Variants in IQGAP2 observed in about 807,000 individuals in gnomAD.
The protein encoded by IQGAP2 is IQ motif containing GTPase activating protein 2, also known as ras GTPase-activating-like protein IQGAP2.
In IQGAP2, 173 loss-of-function variants were observed where a neutral mutation model predicts 201.3. The ratio of observed to expected loss-of-function variants is 0.86; its 90% CI spans 0.76 to 0.98. IQGAP2 has a LOEUF of 0.98. Ranked by LOEUF, IQGAP2 falls within the 50% of genes least tolerant of loss-of-function variation. IQGAP2 has a pLI of 0.00. For missense variants in IQGAP2, 1,687 were observed against 1,864.8 expected, an observed-to-expected ratio of 0.90 and a Z score of 1.76; for synonymous variants, 675 against 673.9, an observed-to-expected ratio of 1.00 and a Z score of -0.03.
At chr5:76,545,090 A>G (rs1392434686) in intron 2 of IQGAP2, among the ~76,000 whole-genome samples, 2 of 152,094 alleles carry the variant, frequency 1.3e-5, no homozygotes, top group Admixed American at 6.6e-5. Flanking sequence ...ACACATAACT[A>G]TGTATATAAA....
intron 6 of IQGAP2, among the ~76,000 whole-genome samples, 194 bp from the exon 7 acceptor site, chr5:76,589,421 T>G (rs1336168332): frequency 6.6e-6 from 1 of 152,192 alleles, no homozygotes; most frequent in African/African-American, 2.4e-5. Context: ...CTATCTTGTT[T>G]GTTCTTGACT....
chr5:76,659,048 CATT>C (rs1411929458), intron 21 of IQGAP2, among the ~76,000 whole-genome samples: 1 of 152,116 alleles, frequency 6.6e-6, no homozygotes, highest in African/African-American at 2.4e-5. Flanking sequence ...TTGACTGAAA[CATT>C]ATGTTGTTTG....
At chr5:76,580,390 G>A (rs926954384) in intron 5 of IQGAP2, among the ~76,000 whole-genome samples, 9 of 152,078 alleles carry the variant, frequency 5.9e-5, no homozygotes, top group Admixed American at 1.3e-4. Context: ...CCAAGATCGC[G>A]CCACTGCACT....
chr5:76,587,060 C>G (rs1746299093), intron 5 of IQGAP2, among the ~76,000 whole-genome samples: 1 of 152,160 alleles, frequency 6.6e-6, no homozygotes, highest in Non-Finnish European at 1.5e-5. Context: ...ATGGTTTTTT[C>G]TCTCAAGATA....
At chr5:76,452,091 T>C (rs1753789330) in intron 1 of IQGAP2, among the ~76,000 whole-genome samples, 1 of 150,906 alleles carries the variant, frequency 6.6e-6, no homozygotes, top group Non-Finnish European at 1.5e-5. Context: ...AGTAAAGTAA[T>C]ACAGGTAAAT....
intron 5 of IQGAP2, among the ~76,000 whole-genome samples, chr5:76,586,575 G>A (rs1448097682): frequency 1.3e-5 from 2 of 152,222 alleles, no homozygotes; most frequent in Non-Finnish European, 2.9e-5. Context: ...TCAGTTGCTA[G>A]TCCCTTGAAA....
chr5:76,624,747 A>G lies in IQGAP2; in HGVS notation c.1522-2663A>G, dbSNP rs372750902. Reference sequence around the variant, plus strand: ...GGAGGTGTGGCCGTCCCATAAATATACTATTATTTTCAGTCTTCTGGTGAA... The same window carrying G: ...GGAGGTGTGGCCGTCCCATAAATATGCTATTATTTTCAGTCTTCTGGTGAA... On this transcript the variant is annotated intron_variant, in intron 13 of 35. Coordinates refer to ENST00000274364, the MANE Select transcript of IQGAP2 (RefSeq NM_006633.5). 1.9e-4 allele frequency among the ~76,000 whole-genome samples: 29 copies of G among 152,252 alleles called. No homozygotes were observed. In the East Asian group the frequency reaches 5.2e-3, roughly 27 times the overall value.
At chr5:76,592,238 G>A (rs1370448959) in intron 8 of IQGAP2, among the ~76,000 whole-genome samples, 2 of 152,078 alleles carry the variant, frequency 1.3e-5, no homozygotes, top group Non-Finnish European at 1.5e-5. Flanking sequence ...TCTTAGCTTA[G>A]CCTTCAGCTG....
chr5:76,434,590 AT>A (rs1752553459), intron 1 of IQGAP2, among the ~76,000 whole-genome samples: 1 of 152,004 alleles, frequency 6.6e-6, no homozygotes, highest in East Asian at 1.9e-4. Flanking sequence ...TTATCCACTT[AT>A]TGGTCAATGG....
chr5:76,457,815 A>G (rs149678204), intron 1 of IQGAP2, among the ~76,000 whole-genome samples: 1,573 of 152,322 alleles, frequency 0.01, 23 homozygotes, highest in African/African-American at 0.036. Flanking sequence ...GAATCTGTGA[A>G]TAAGCCTTAT....
chr5:76,540,502 A>T (rs1580411926), intron 2 of IQGAP2, among the ~76,000 whole-genome samples: 1 of 152,258 alleles, frequency 6.6e-6, no homozygotes, highest in East Asian at 1.9e-4. Context: ...GAAGGAGGGG[A>T]TGAAATGAGA....
chr5:76,416,867 C>A (rs1356091222), intron 1 of IQGAP2, among the ~76,000 whole-genome samples: 1 of 152,124 alleles, frequency 6.6e-6, no homozygotes, highest in Non-Finnish European at 1.5e-5. Flanking sequence ...CTTACTCTAT[C>A]ACCCAGGCTG....
chr5:76,455,844 G>T (rs535770073), intron 1 of IQGAP2, among the ~76,000 whole-genome samples: 1 of 152,228 alleles, frequency 6.6e-6, no homozygotes, highest in Admixed American at 6.5e-5. Flanking sequence ...GAAGATTTGG[G>T]GCTTTGTGTT....
chr5:76,497,389 C>T (rs912732122), intron 2 of IQGAP2, among the ~76,000 whole-genome samples: 2 of 152,120 alleles, frequency 1.3e-5, no homozygotes, highest in Admixed American at 1.3e-4. Flanking sequence ...TGAAATATCC[C>T]TGCAAAGGTG....
At chr5:76,642,286 A>G (rs948244209) in intron 17 of IQGAP2, among the ~76,000 whole-genome samples, 1 of 152,168 alleles carries the variant, frequency 6.6e-6, no homozygotes, top group Non-Finnish European at 1.5e-5. Flanking sequence ...CAGTTGGAAG[A>G]TATACCACAG....
intron 1 of IQGAP2, among the ~76,000 whole-genome samples, chr5:76,436,750 G>A (rs895577393): frequency 4.7e-5 from 7 of 150,482 alleles, no homozygotes; most frequent in African/African-American, 1.5e-4. Flanking sequence ...GGATGGTCTC[G>A]ATCTTTTGGC....
intron 1 of IQGAP2, among the ~76,000 whole-genome samples, chr5:76,416,693 A>G (rs1185650413): frequency 6.6e-6 from 1 of 152,084 alleles, no homozygotes; most frequent in Non-Finnish European, 1.5e-5. Context: ...ACGCGTGGCT[A>G]ATTTTTGTAT....
chr5:76,634,027 T>G (rs1242186701), intron 15 of IQGAP2, among the ~76,000 whole-genome samples: 1 of 152,106 alleles, frequency 6.6e-6, no homozygotes, highest in Non-Finnish European at 1.5e-5. Context: ...CATGGATATA[T>G]CTTTTCGTAC....
At chr5:76,511,483 T>C (rs1348769713) in intron 2 of IQGAP2, among the ~76,000 whole-genome samples, 1 of 152,212 alleles carries the variant, frequency 6.6e-6, no homozygotes, top group Non-Finnish European at 1.5e-5. Flanking sequence ...TAGGTGCCCT[T>C]GGCCTGAGCT....
Sources: allele counts gnomAD v4.1 joint callset (sites outside exome capture counted in the v4.1 genomes callset), GRCh38; gene constraint gnomAD v4.1.1; transcripts MANE v1.5; gene names NCBI Gene and HGNC (gene_info 2026-07-23, HGNC 2026-07-21).